Variants in CDH4 observed in about 807,000 individuals in gnomAD.
The protein encoded by CDH4 is cadherin-4.
A neutral mutation model predicts 86.0 loss-of-function variants in CDH4; 33 were observed. The observed-to-expected ratio is 0.38, with a 90% confidence interval of 0.29 to 0.51. The LOEUF is 0.51. Ranked by LOEUF, CDH4 falls within the 20% of genes least tolerant of loss-of-function variation. The pLI is 0.86. For synonymous variants in CDH4, 555 were observed against 549.4 expected (o/e 1.01, Z -0.14); for missense variants, 1,114 against 1,307.4 (o/e 0.85, Z 2.28).
chr20:61,818,629 G>A (rs1449498591), intron 4 of CDH4, among the ~76,000 whole-genome samples: 1 of 150,744 alleles, frequency 6.6e-6, no homozygotes, highest in African/African-American at 2.4e-5. Flanking sequence ...AGTGAGCTAT[G>A]ATTGCCCCAC....
intron 2 of CDH4, among the ~76,000 whole-genome samples, chr20:61,577,617 G>A (rs1237318098): frequency 6.6e-6 from 1 of 152,186 alleles, no homozygotes; most frequent in Non-Finnish European, 1.5e-5. Flanking sequence ...ATGGGCCTGG[G>A]TTCTCTGGGG....
rs1286470879 is a variant in CDH4 at position 61,518,530 on chromosome 20, CATCT to C, written c.170-225029_170-225026del. On this transcript the variant is annotated intron_variant, in intron 2 of 15. Transcript: ENST00000614565. The surrounding 1 kb of genome is among the most constrained non-coding windows in gnomAD (Gnocchi z 6.3). ...TCCATCCGTCCATCTATCATCCATC[CATCT>C]ATCCATCATTCATCCATCATCCTTC... 2.6e-5 allele frequency among the ~76,000 whole-genome samples: 4 copies of C among 152,020 alleles called. 1 individual carries two copies. The highest frequency in any genetic ancestry group is 2.4e-5 in the African/African-American group (1 of 41,466).
intron 2 of CDH4, among the ~76,000 whole-genome samples, chr20:61,421,014 T>A (rs760485697): frequency 6.6e-6 from 1 of 152,246 alleles, no homozygotes; most frequent in Non-Finnish European, 1.5e-5. Context: ...GCCAGCCATG[T>A]GGATGGGTCT....
intron 8 of CDH4, among the ~76,000 whole-genome samples, chr20:61,904,031 A>G (rs892660799): frequency 2.0e-5 from 3 of 152,180 alleles, no homozygotes; most frequent in African/African-American, 7.2e-5. Context: ...CTTTGGAGGC[A>G]TCTGAGTGGC....
At chr20:61,781,909 C>T (rs1978566924) in intron 4 of CDH4, among the ~76,000 whole-genome samples, 1 of 152,200 alleles carries the variant, frequency 6.6e-6, no homozygotes, top group African/African-American at 2.4e-5. Context: ...ATGGGGTCTT[C>T]TCCTCAGAAT....
At chr20:61,316,792 C>A (rs949047049) in intron 2 of CDH4, among the ~76,000 whole-genome samples, 5 of 152,130 alleles carry the variant, frequency 3.3e-5, no homozygotes. Flanking sequence ...CTTTCTGAGT[C>A]ATCGTTGCCC....
intron 11 of CDH4, 68 bp downstream of exon 11, chr20:61,924,544 G>T (rs939760388): frequency 8.7e-5 from 135 of 1,548,318 alleles, no homozygotes; most frequent in Middle Eastern, 5.6e-4. Flanking sequence ...GTGGGCGAGG[G>T]AGGGTGCTGG....
chr20:61,576,605 G>A (rs182033606), intron 2 of CDH4, among the ~76,000 whole-genome samples: 8 of 152,240 alleles, frequency 5.3e-5, no homozygotes, highest in East Asian at 3.9e-4. Flanking sequence ...TATCCCTCAC[G>A]TGAGGCAGAC....
In CDH4 at chr20:61,773,201, C is replaced by T. The variant is rs753164006; in HGVS notation, c.576+19C>T. ...CGTGAGGGTGAGTGCAGACCCCTCCCGCGGGCACGGGGGTCTCGGCGTTAG... is the reference window on the plus strand; with the variant it reads ...CGTGAGGGTGAGTGCAGACCCCTCCTGCGGGCACGGGGGTCTCGGCGTTAG... On this transcript the variant is annotated intron_variant, in intron 4 of 15. Transcript: ENST00000614565. The T allele has an allele frequency of 1.3e-6, 2 of 1,516,832 alleles. No individual in the cohort carries two copies. Among genetic ancestry groups the T allele is most frequent in the South Asian group, 2.5e-5 (2 of 81,250 alleles). The allele number at this position is 1,516,832 out of a possible 1,614,324, so 94.0% of individuals were successfully genotyped here.
At chr20:61,634,033 C>T (rs187846883) in intron 2 of CDH4, among the ~76,000 whole-genome samples, 2 of 152,306 alleles carry the variant, frequency 1.3e-5, no homozygotes, top group East Asian at 3.9e-4. Context: ...AAACCTACGG[C>T]AAGTCAGTGT....
chr20:61,748,383 G>A lies in CDH4; in HGVS notation c.396+4594G>A, dbSNP rs77569849. ...CTTAATCTCGTGATCTGCCTGCCTC[G>A]GCCTCCCAAGGAATATCTTAAAAGT... On this transcript the variant is annotated intron_variant, in intron 3 of 15. Coordinates refer to ENST00000614565, the MANE Select transcript of CDH4 (RefSeq NM_001794.5). Among the ~76,000 whole-genome samples the A allele has an allele frequency of 4.9e-3, 745 of 152,178 alleles. 4 individuals carry two copies. Among genetic ancestry groups the A allele is most frequent in the Non-Finnish European group, 7.2e-3 (489 of 68,022 alleles).
At chr20:61,653,628 C>T (rs1176461997) in intron 2 of CDH4, among the ~76,000 whole-genome samples, 12,802 of 88,568 alleles carry the variant, frequency 0.14, 1,091 homozygotes, top group Non-Finnish European at 0.2. Flanking sequence ...ACTTCCCAGA[C>T]GGGGTGGCTG....
intron 2 of CDH4, among the ~76,000 whole-genome samples, chr20:61,615,734 T>C (rs1419145405): frequency 1.3e-5 from 2 of 152,180 alleles, no homozygotes; most frequent in African/African-American, 4.8e-5. Context: ...TTAGGAGAAT[T>C]AATGATTTCT....
At chr20:61,542,745 G>A (rs563393059) in intron 2 of CDH4, among the ~76,000 whole-genome samples, 89 of 152,262 alleles carry the variant, frequency 5.8e-4, no homozygotes, top group African/African-American at 2.0e-3. Context: ...ATTAGAAATC[G>A]GTATTAGGGT....
chr20:61,648,501 G>A (rs112645550), intron 2 of CDH4, among the ~76,000 whole-genome samples: 125 of 152,346 alleles, frequency 8.2e-4, no homozygotes, highest in African/African-American at 1.6e-3. Flanking sequence ...CAGCTCTGCC[G>A]AGCCCCACTT....
At chr20:61,929,025 G>T (rs2055076576) in intron 12 of CDH4, among the ~76,000 whole-genome samples, 1 of 152,032 alleles carries the variant, frequency 6.6e-6, no homozygotes, top group South Asian at 2.1e-4. Flanking sequence ...TCTGTGAATT[G>T]TCTGTTCAAT....
intron 2 of CDH4, among the ~76,000 whole-genome samples, chr20:61,286,408 A>AC (rs1263080792): frequency 6.6e-6 from 1 of 152,022 alleles, no homozygotes; most frequent in Non-Finnish European, 1.5e-5. Context: ...CACACATGTG[A>AC]CCCCATGGAA....
In CDH4 at chr20:61,719,547, C is replaced by G. The variant is rs934483255; in HGVS notation, c.170-24016C>G. ...TCTCGGGAGTCTTTATCTCGTTCCT[C>G]TGTATAATTGCCGCTTTAAATCACA... is the stretch of plus-strand genomic sequence containing the variant. On this transcript the variant is annotated intron_variant, in intron 2 of 15. Transcript: ENST00000614565. The G allele has an allele frequency of 4.0e-5, 8 of 200,194 alleles. No individual in the cohort carries two copies. The East Asian group carries it at 9.8e-4, about 25-fold the overall frequency. The allele number at this position is 200,194 out of a possible 1,614,324, so 12.4% of individuals were successfully genotyped here. A position where few individuals can be genotyped will look rare whatever the true frequency, so the allele number is the denominator to read the frequency against.
At chr20:61,500,558 A>G (rs1034928109) in intron 2 of CDH4, among the ~76,000 whole-genome samples, 1 of 152,180 alleles carries the variant, frequency 6.6e-6, no homozygotes, top group Admixed American at 6.5e-5. Flanking sequence ...GTGCTGGGAA[A>G]ACACAGAAGG....
Sources: gnomAD v4.1 joint callset for allele counts (sites outside exome capture counted in the v4.1 genomes callset) on GRCh38, gnomAD v4.1.1 for gene constraint, Gnocchi (gnomAD v3.1) non-coding constraint, MANE v1.5 for transcripts, NCBI Gene and HGNC (gene_info 2026-07-23, HGNC 2026-07-21) for gene names.